Variants in KDM4B observed in about 807,000 individuals in gnomAD.
KDM4B encodes the protein lysine demethylase 4B.
KDM4B carries 32 observed loss-of-function variants against 125.2 expected under a neutral mutation model. The observed-to-expected ratio is 0.26, with a 90% CI of 0.19 to 0.34. The LOEUF (loss-of-function observed/expected upper bound fraction) is 0.34. Among genes scored for constraint, KDM4B ranks in the 10% least tolerant of loss-of-function variants. The probability of loss-of-function intolerance (pLI) is 1.00; values close to 1 mark genes in which losing one functional copy is unlikely to be tolerated. For missense variants in KDM4B, 1,190 were observed against 1,577.7 expected, an observed-to-expected ratio of 0.75 and a Z score of 4.16; for synonymous variants, 721 against 677.9, an observed-to-expected ratio of 1.06 and a Z score of -0.99.
intron 1 of KDM4B, among the ~76,000 whole-genome samples, chr19:4,970,800 G>A (rs1277966335): frequency 6.8e-6 from 1 of 147,254 alleles, no homozygotes; most frequent in East Asian, 1.9e-4. Flanking sequence ...CCTGAAGGTC[G>A]GAGCGTAAAG....
chr19:5,029,733 G>A (rs914160881), intron 2 of KDM4B, among the ~76,000 whole-genome samples: 1 of 152,194 alleles, frequency 6.6e-6, no homozygotes, highest in African/African-American at 2.4e-5. Flanking sequence ...AGGCTGAGGC[G>A]GGAGGATGGC....
At chr19:5,102,720 C>CGGGTGAT (rs1028059032) in intron 9 of KDM4B, among the ~76,000 whole-genome samples, 4 of 151,912 alleles carry the variant, frequency 2.6e-5, no homozygotes, top group South Asian at 2.1e-4. Flanking sequence ...TGACGGGTGA[C>CGGGTGAT]GGGTGATGGG....
chr19:5,089,340 A>G (rs949583579), intron 9 of KDM4B, among the ~76,000 whole-genome samples: 5 of 152,196 alleles, frequency 3.3e-5, no homozygotes, highest in African/African-American at 1.2e-4. Context: ...TGTCTCTGGA[A>G]CACGTGCATA....
intron 21 of KDM4B, among the ~76,000 whole-genome samples, chr19:5,149,999 C>T (rs1247371773): frequency 2.0e-5 from 3 of 152,198 alleles, no homozygotes; most frequent in East Asian, 1.9e-4. Context: ...TCTGTGTCCA[C>T]CAGTGACTCT....
At chr19:4,988,383 C>A (rs973268176) in intron 1 of KDM4B, among the ~76,000 whole-genome samples, 3 of 152,158 alleles carry the variant, frequency 2.0e-5, no homozygotes, top group African/African-American at 4.8e-5. Flanking sequence ...TCACGCCATT[C>A]TCCTGCCTCA....
In KDM4B at chr19:5,051,078, C is replaced by G. The variant is rs142777467; in HGVS notation, c.626+3409C>G. On this transcript the variant is annotated intron_variant, in intron 6 of 22. Transcript: ENST00000159111. ...ACCCTCCTGAGCCGCCCGGGCCAGG[C>G]ACGAAACACAGGCGTCGCCACGAGG... Among the ~76,000 whole-genome samples the G allele has an allele frequency of 7.0e-3, 1,068 of 152,250 alleles. 10 individuals are homozygous for G. Among genetic ancestry groups the G allele is most frequent in the African/African-American group, 0.025 (1,024 of 41,546 alleles).
At chr19:4,992,252 G>A (rs2035053985) in intron 1 of KDM4B, among the ~76,000 whole-genome samples, 1 of 152,032 alleles carries the variant, frequency 6.6e-6, no homozygotes. Context: ...TGGTTTCATT[G>A]GCTGTCTCTA....
At chr19:5,012,443 C>A (rs1003023766) in intron 1 of KDM4B, among the ~76,000 whole-genome samples, 2 of 152,076 alleles carry the variant, frequency 1.3e-5, no homozygotes, top group Non-Finnish European at 2.9e-5. Context: ...GTCCCAGGGC[C>A]CCCCACACCG....
intron 2 of KDM4B, among the ~76,000 whole-genome samples, chr19:5,028,944 C>T (rs1403526071): frequency 6.6e-6 from 1 of 152,082 alleles, no homozygotes; most frequent in Non-Finnish European, 1.5e-5. Flanking sequence ...CTCCTGTAGC[C>T]CAGGCTGGAA....
At chr19:5,051,703 T>C (rs1229179642) in intron 6 of KDM4B, among the ~76,000 whole-genome samples, 1 of 152,194 alleles carries the variant, frequency 6.6e-6, no homozygotes, top group African/African-American at 2.4e-5. Context: ...GCAGCTCCGC[T>C]TGTCAGAAGG....
At chr19:5,140,600 C>T (rs56331801) in intron 18 of KDM4B, 9,485 of 152,182 alleles carry the variant, frequency 0.062, 403 homozygotes, top group East Asian at 0.12. Flanking sequence ...CTCTGCATGG[C>T]GGGACGTGCC....
chr19:5,040,879 C>G (rs1265096751), intron 4 of KDM4B, among the ~76,000 whole-genome samples: 1 of 152,244 alleles, frequency 6.6e-6, no homozygotes, highest in Admixed American at 6.5e-5. Context: ...CCCACTCCCC[C>G]TGGCGTGTGT....
intron 6 of KDM4B, among the ~76,000 whole-genome samples, chr19:5,063,683 G>A (rs996511653): frequency 6.6e-6 from 1 of 152,216 alleles, no homozygotes; most frequent in African/African-American, 2.4e-5. Flanking sequence ...TGGTCCTTGT[G>A]TCCCCAGTGC....
rs1439388766 is a variant in KDM4B, at chr19:4,972,807, C to A, written c.-109+3577C>A. Among the ~76,000 whole-genome samples, 9 of 152,336 alleles carry A rather than the reference C, an allele frequency of 5.9e-5. No individual in the cohort carries two copies. The East Asian group carries it at 9.6e-4, about 16-fold the overall frequency. Reference sequence around the variant, plus strand: ...CTCCTCACCTGGTTGTTCAGGTTCTCCGTGACTGTCCTTCTGCCCTTCCAG... The same window carrying A: ...CTCCTCACCTGGTTGTTCAGGTTCTACGTGACTGTCCTTCTGCCCTTCCAG... On this transcript the variant is annotated intron_variant, in intron 1 of 22. Coordinates refer to ENST00000159111, the MANE Select transcript of KDM4B (RefSeq NM_015015.3).
chr19:5,015,549 G>A (rs972181054), intron 1 of KDM4B, among the ~76,000 whole-genome samples: 11 of 152,058 alleles, frequency 7.2e-5, no homozygotes, highest in Non-Finnish European at 1.3e-4. Flanking sequence ...ACCTCGCCCC[G>A]CCATGAAAGT....
intron 1 of KDM4B, among the ~76,000 whole-genome samples, chr19:4,969,537 G>C (rs1176208570): frequency 5.3e-5 from 8 of 150,812 alleles, no homozygotes; most frequent in African/African-American, 1.2e-4. Context: ...GCTGGGCACA[G>C]ACGGCCCCGG....
chr19:5,150,013 A>G (rs1026294194), intron 21 of KDM4B, among the ~76,000 whole-genome samples: 1 of 151,880 alleles, frequency 6.6e-6, no homozygotes, highest in Admixed American at 6.6e-5. Flanking sequence ...TGACTCTGTC[A>G]CCTTGTCCTG....
chr19:5,085,824 C>T (rs955108715), intron 9 of KDM4B, among the ~76,000 whole-genome samples: 2 of 152,222 alleles, frequency 1.3e-5, no homozygotes, highest in South Asian at 4.1e-4. Context: ...GCGGGGCAGC[C>T]GGCCCCTGAC....
chr19:5,146,760 C>CG (rs1555722888), intron 21 of KDM4B, among the ~76,000 whole-genome samples: 3 of 102,522 alleles, frequency 2.9e-5, no homozygotes, highest in African/African-American at 1.1e-4. Context: ...GACCCCCCCC[C>CG]CCCCCACAAT....
Sources: allele counts gnomAD v4.1 joint callset (sites outside exome capture counted in the v4.1 genomes callset), GRCh38; gene constraint gnomAD v4.1.1; transcripts MANE v1.5; gene names NCBI Gene and HGNC (gene_info 2026-07-23, HGNC 2026-07-21).